Variants in PTPRN2 observed in about 807,000 individuals in gnomAD.
The protein encoded by PTPRN2 is receptor-type tyrosine-protein phosphatase N2.
In PTPRN2, 74 loss-of-function variants were observed where a neutral mutation model predicts 118.8. That is an observed-to-expected ratio of 0.62 (90% confidence interval 0.52 to 0.76). PTPRN2 has a LOEUF of 0.76. PTPRN2 is among the 30% of genes least tolerant of loss of function. The pLI, the probability that PTPRN2 is intolerant of heterozygous loss-of-function variation, is 0.00. For synonymous variants in PTPRN2, 641 were observed against 608.0 expected (o/e 1.05, Z -0.80); for missense variants, 1,481 against 1,394.4 (o/e 1.06, Z -0.99).
chr7:158,408,853 A>G (rs1236864349), intron 2 of PTPRN2, among the ~76,000 whole-genome samples: 7 of 151,528 alleles, frequency 4.6e-5, no homozygotes, highest in Non-Finnish European at 1.0e-4. Context: ...CAGTCATATT[A>G]ACATTGACAC....
At chr7:158,141,192 T>C (rs1422883961) in intron 6 of PTPRN2, among the ~76,000 whole-genome samples, 1 of 152,186 alleles carries the variant, frequency 6.6e-6, no homozygotes, top group African/African-American at 2.4e-5. Flanking sequence ...TCCTCTACAA[T>C]AGAAGCGGAG....
intron 14 of PTPRN2, among the ~76,000 whole-genome samples, chr7:157,646,525 G>T (rs576614514): frequency 6.6e-6 from 1 of 152,262 alleles, no homozygotes; most frequent in East Asian, 1.9e-4. Context: ...CCAGCCTCAG[G>T]TATTTCTGTA....
chr7:158,443,198 G>A (rs1222399270), intron 2 of PTPRN2, among the ~76,000 whole-genome samples: 3 of 152,154 alleles, frequency 2.0e-5, no homozygotes, highest in Admixed American at 2.0e-4. Context: ...AGAGGCAGGA[G>A]CGGAGGCTGC....
chr7:157,772,720 CTGGGGGGACCCCTG>C (rs1024018719), intron 12 of PTPRN2, among the ~76,000 whole-genome samples: 1 of 152,272 alleles, frequency 6.6e-6, no homozygotes, highest in Non-Finnish European at 1.5e-5. Context: ...TTGGCCGGGT[CTGGGGGGACCCCTG>C]TGGGGGGTGG....
chr7:158,504,101 C>T (rs777810424), intron 1 of PTPRN2, among the ~76,000 whole-genome samples: 84 of 152,202 alleles, frequency 5.5e-4, no homozygotes, highest in Non-Finnish European at 1.1e-3. Context: ...TAACTCATTA[C>T]CTAGAGATAA....
chr7:157,998,786 C>T (rs1259481669), intron 11 of PTPRN2, among the ~76,000 whole-genome samples: 1 of 145,408 alleles, frequency 6.9e-6, no homozygotes, highest in Non-Finnish European at 1.5e-5. Context: ...TGCACCACTG[C>T]ACTCTAGCCT....
chr7:158,135,814 C>T (rs1312682392), intron 8 of PTPRN2, among the ~76,000 whole-genome samples: 1 of 152,220 alleles, frequency 6.6e-6, no homozygotes, highest in East Asian at 1.9e-4. Context: ...GAACCACTAA[C>T]CAGTAAGAGA....
chr7:157,577,924 G>A (rs1255679207), intron 18 of PTPRN2, 97 bp downstream of exon 18: 5 of 1,411,066 alleles, frequency 3.5e-6, no homozygotes, highest in Non-Finnish European at 4.7e-6. Context: ...CCTGCATGCG[G>A]CCCTGGGGGG....
intron 11 of PTPRN2, among the ~76,000 whole-genome samples, chr7:157,965,940 T>G (rs933225243): frequency 6.6e-6 from 1 of 152,134 alleles, no homozygotes; most frequent in African/African-American, 2.4e-5. Flanking sequence ...TGCCCAGCAC[T>G]TTGACCAGCA....
chr7:157,678,332 A>G (rs1295867837), intron 13 of PTPRN2, among the ~76,000 whole-genome samples: 2 of 152,236 alleles, frequency 1.3e-5, no homozygotes, highest in South Asian at 2.1e-4. Flanking sequence ...AAACCTCAGT[A>G]AAAGTCACTG....
intron 1 of PTPRN2, among the ~76,000 whole-genome samples, chr7:158,522,766 T>C (rs1300814710): frequency 6.6e-6 from 1 of 152,176 alleles, no homozygotes; most frequent in Admixed American, 6.5e-5. Flanking sequence ...GCGTCTCCCC[T>C]GGTTCTCACG....
chr7:158,399,217 G>A (rs1812760146), intron 2 of PTPRN2, among the ~76,000 whole-genome samples: 2 of 152,168 alleles, frequency 1.3e-5, no homozygotes, highest in South Asian at 2.1e-4. Flanking sequence ...ATTTAATAAG[G>A]GGCACAAAGA....
intron 2 of PTPRN2, among the ~76,000 whole-genome samples, chr7:158,317,912 C>T (rs1802473497): frequency 6.6e-6 from 1 of 152,222 alleles, no homozygotes; most frequent in East Asian, 1.9e-4. Flanking sequence ...AGAAAATAAC[C>T]TCGAGTATTG....
intron 2 of PTPRN2, among the ~76,000 whole-genome samples, chr7:158,440,732 TGATGACAG>T (rs200713672): frequency 0.018 from 2,572 of 144,748 alleles, 103 homozygotes; most frequent in African/African-American, 0.064. Flanking sequence ...GTGGTGGTGA[TGATGACAG>T]TGGTGGTGAC....
At chr7:158,490,893 G>A (rs1466097494) in intron 1 of PTPRN2, among the ~76,000 whole-genome samples, 1 of 152,244 alleles carries the variant, frequency 6.6e-6, no homozygotes, top group East Asian at 1.9e-4. Context: ...CAGGAGCCGG[G>A]CACACGCCTG....
intron 12 of PTPRN2, among the ~76,000 whole-genome samples, chr7:157,800,691 G>A (rs974007607): frequency 2.0e-5 from 3 of 151,998 alleles, no homozygotes; most frequent in South Asian, 4.2e-4. Context: ...GGTGGCTCAG[G>A]CCTGTAATCC....
intron 12 of PTPRN2, among the ~76,000 whole-genome samples, chr7:157,797,136 C>T (rs910291535): frequency 2.6e-5 from 4 of 152,196 alleles, no homozygotes; most frequent in African/African-American, 7.2e-5. Context: ...TGTGTCATCC[C>T]GGATTTATCA....
At chr7:158,228,634 A>G (rs1828970400) in intron 3 of PTPRN2, among the ~76,000 whole-genome samples, 1 of 152,038 alleles carries the variant, frequency 6.6e-6, no homozygotes, top group Non-Finnish European at 1.5e-5. Flanking sequence ...CCAGGAACAC[A>G]GAAAATTGAA....
intron 11 of PTPRN2, among the ~76,000 whole-genome samples, chr7:158,000,428 G>T (rs563672636): frequency 2.0e-5 from 3 of 151,966 alleles, no homozygotes; most frequent in African/African-American, 2.4e-5. Context: ...CGTGAAAGCC[G>T]TGGAGAGGCC....
Sources: allele counts gnomAD v4.1 joint callset (sites outside exome capture counted in the v4.1 genomes callset), GRCh38; gene constraint gnomAD v4.1.1; transcripts MANE v1.5; gene names NCBI Gene and HGNC (gene_info 2026-07-23, HGNC 2026-07-21).